The following CLK4 variants were observed in gnomAD, a reference collection of about 807,000 sequenced individuals.
CLK4 encodes dual specificity protein kinase CLK4.
In CLK4, 37 loss-of-function variants were observed where a neutral mutation model predicts 64.4. The observed-to-expected ratio is 0.57, with a 90% CI of 0.44 to 0.76. The LOEUF (loss-of-function observed/expected upper bound fraction) is 0.76. Ranked by LOEUF, CLK4 falls within the 30% of genes least tolerant of loss-of-function variation. The pLI is 0.00. For synonymous variants in CLK4, 175 were observed against 191.6 expected (o/e 0.91, Z 0.72); for missense variants, 457 against 605.1 (o/e 0.76, Z 2.57).
At chr5:178,613,257 TA>T (rs1205483950) in intron 7 of CLK4, among the ~76,000 whole-genome samples, 1 of 152,028 alleles carries the variant, frequency 6.6e-6, no homozygotes, top group Non-Finnish European at 1.5e-5. Context: ...CCATCTCTAC[TA>T]AAAATACAAA....
rs527830511 is a variant in CLK4 at position 178,606,732 on chromosome 5, G to T, written c.1135-1350C>A. Among the ~76,000 whole-genome samples, 33 of 152,280 alleles carry T rather than the reference G, an allele frequency of 2.2e-4. 1 individual carries two copies. Among genetic ancestry groups the T allele is most frequent in the Admixed American group, 2.2e-3 (33 of 15,300 alleles). ...AATCCCAGCACTTTGGGAGGCCAAG[G>T]AGGGTAGATCACTTGAGGTCAGGAG... is the stretch of plus-strand genomic sequence containing the variant. On this transcript the variant is annotated intron_variant, in intron 10 of 12. Coordinates refer to ENST00000316308, the MANE Select transcript of CLK4 (RefSeq NM_020666.3).
At chr5:178,608,316 C>A in intron 10 of CLK4, 60 bp downstream of exon 10, 1 of 1,227,490 alleles carries the variant, frequency 8.1e-7, no homozygotes, top group Non-Finnish European at 1.1e-6. Flanking sequence ...AAAACTTTAG[C>A]ATACCTTTAA....
intron 10 of CLK4, among the ~76,000 whole-genome samples, chr5:178,608,144 A>G (rs189305230): frequency 1.3e-5 from 2 of 152,360 alleles, no homozygotes; most frequent in African/African-American, 2.4e-5. Context: ...AGTATGAACC[A>G]TATATGAACC....
intron 5 of CLK4, 43 bp from the exon 6 acceptor site, chr5:178,613,886 T>C (rs779376487): frequency 3.5e-6 from 5 of 1,427,418 alleles, no homozygotes; most frequent in Non-Finnish European, 4.9e-6. Flanking sequence ...TGTACAAGAG[T>C]GAGCTGAAGC....
At chr5:178,610,019 G>A (rs1056172049) in intron 9 of CLK4, among the ~76,000 whole-genome samples, 4 of 152,044 alleles carry the variant, frequency 2.6e-5, no homozygotes, top group South Asian at 2.1e-4. Flanking sequence ...AACCAGGCAC[G>A]GTGGCTCACA....
At chr5:178,614,616 C>A (rs530482328) in intron 5 of CLK4, among the ~76,000 whole-genome samples, 2 of 152,266 alleles carry the variant, frequency 1.3e-5, no homozygotes, top group East Asian at 3.9e-4. Flanking sequence ...TCACTATGAC[C>A]CTTCCACTTT....
intron 2 of CLK4, 105 bp from the exon 3 acceptor site, chr5:178,618,883 GA>G: frequency 1.3e-6 from 1 of 788,756 alleles, no homozygotes; most frequent in Non-Finnish European, 2.0e-6. Flanking sequence ...CTCAATATAA[GA>G]AAAAAATTCA....
chr5:178,625,415 C>T (rs1764764801), intron 1 of CLK4, among the ~76,000 whole-genome samples: 4 of 111,334 alleles, frequency 3.6e-5, no homozygotes, highest in African/African-American at 3.6e-5. Flanking sequence ...ACAGTGAGAC[C>T]CTGTCTCAAA....
chr5:178,611,286 T>C (rs1207320709), intron 9 of CLK4, among the ~76,000 whole-genome samples: 1 of 152,182 alleles, frequency 6.6e-6, no homozygotes, highest in Non-Finnish European at 1.5e-5. Flanking sequence ...TGCTTTCTTT[T>C]ACCCTTACAC....
intron 11 of CLK4, chr5:178,605,092 T>C (rs1357856248): frequency 1.5e-5 from 4 of 261,226 alleles, no homozygotes; most frequent in African/African-American, 7.6e-5. Flanking sequence ...ATCGTGCCAC[T>C]GCACTCCAGC....
chr5:178,607,028 T>G (rs775816119), intron 10 of CLK4, among the ~76,000 whole-genome samples: 10 of 151,566 alleles, frequency 6.6e-5, no homozygotes, highest in Non-Finnish European at 1.2e-4. Context: ...GAAAAGAAAG[T>G]AGAGTTTCCT....
At chr5:178,618,448 C>T (rs911568400) in intron 3 of CLK4, 108 bp downstream of exon 3, 40 of 341,168 alleles carry the variant, frequency 1.2e-4, no homozygotes, top group Admixed American at 2.5e-4. Flanking sequence ...TATAATATAT[C>T]CAAATAGTAT....
Position 178,605,370 on chromosome 5 carries a change from T to C in CLK4, c.1147A>G (p.Lys383Glu), listed in dbSNP as rs758789388. The change falls in exon 11 of 13, where the codon AAA becomes GAA. Residue 383 changes from lysine (K) to glutamate (E), a missense_variant. Physicochemically the swap from Lys to Glu is moderately conservative, Grantham distance 56. Transcript: ENST00000316308. ...CGTTCCATCATTGCCAGGTGCTCTT[T>C]ACTATCATGAGTCTAAAACATGTAA... ...GFTVFQTHDS[K>E]EHLAMMERIL... 2.1e-5 allele frequency: 33 copies of C among 1,588,530 alleles called. No homozygotes were observed. The highest frequency in any genetic ancestry group is 2.7e-5 in the Non-Finnish European group (32 of 1,169,422).
At chr5:178,607,466 AATT>A (rs1396924999) in intron 10 of CLK4, among the ~76,000 whole-genome samples, 3 of 146,910 alleles carry the variant, frequency 2.0e-5, no homozygotes, top group Non-Finnish European at 4.5e-5. Context: ...TCTCTAAAGT[AATT>A]ATTAACCTTT....
rs117021345 is a variant in CLK4, at chr5:178,611,341, G to A, written c.1051+1075C>T. On this transcript the variant is annotated intron_variant, in intron 9 of 12. Coordinates refer to ENST00000316308, the MANE Select transcript of CLK4 (RefSeq NM_020666.3). Reference sequence around the variant, plus strand: ...TACTACGCAGAAACCCTATTATTACGCATTTAAAAGACAAGCTCTAGAGTT... The same window carrying A: ...TACTACGCAGAAACCCTATTATTACACATTTAAAAGACAAGCTCTAGAGTT... 4.6e-5 allele frequency among the ~76,000 whole-genome samples: 7 copies of A among 152,150 alleles called. No homozygotes were observed. The East Asian group carries it at 7.7e-4, about 17-fold the overall frequency.
In CLK4 at chr5:178,616,897, C is replaced by T; in HGVS notation, c.527G>A (p.Cys176Tyr). 6.2e-7 allele frequency: 1 copy of T among 1,613,432 alleles called. No individual in the cohort carries two copies. The highest frequency in any genetic ancestry group is 8.5e-7 in the Non-Finnish European group (1 of 1,179,348). The part of the protein sequence containing the change: ...GEGAFGKVVE[C>Y]IDHGMDGMHV... ...ACAAACTTACATGCCATGATCAATGCACTCTACAACTTTGCCAAAGGCTCC... is the reference window on the plus strand; with the variant it reads ...ACAAACTTACATGCCATGATCAATGTACTCTACAACTTTGCCAAAGGCTCC... Residue 176 changes from cysteine to tyrosine, a missense_variant, in exon 5 of 13, where the codon TGC becomes TAC. Transcript: ENST00000316308.
At chr5:178,609,543 C>G (rs771188357) in intron 9 of CLK4, among the ~76,000 whole-genome samples, 9 of 151,800 alleles carry the variant, frequency 5.9e-5, no homozygotes, top group Non-Finnish European at 1.3e-4. Context: ...ATTAGCTGGG[C>G]GTGGTGGCAG....
chr5:178,626,166 C>A lies in CLK4; in HGVS notation c.-1+780G>T, dbSNP rs145979054. Among the ~76,000 whole-genome samples, 906 of 152,222 alleles carry A rather than the reference C, an allele frequency of 6.0e-3. 3 individuals carry two copies. Among genetic ancestry groups the A allele is most frequent in the Middle Eastern group, 0.02 (6 of 294 alleles). ...AGGACTGCATTTAATGGGTTACAAG[C>A]CTGTAGGGGTGTGTAAAAAGCACAA... On this transcript the variant is annotated intron_variant, in intron 1 of 12. Transcript: ENST00000316308.
Position 178,612,404 on chromosome 5 carries a change from G to C in CLK4, c.1051+12C>G. ...TTCAATTATAATATTAGAAAGCCTG[G>C]TGTCTACTGACCCAAAATGACCTCG... On this transcript the variant is annotated intron_variant, in intron 9 of 12. Coordinates refer to ENST00000316308, the MANE Select transcript of CLK4 (RefSeq NM_020666.3). 6.3e-7 allele frequency: 1 copy of C among 1,591,734 alleles called. No individual in the cohort carries two copies. Among genetic ancestry groups the C allele is most frequent in the Non-Finnish European group, 8.6e-7 (1 of 1,167,764 alleles).
Sources: allele counts gnomAD v4.1 joint callset (sites outside exome capture counted in the v4.1 genomes callset), GRCh38; gene constraint gnomAD v4.1.1; transcripts MANE v1.5; gene names NCBI Gene and HGNC (gene_info 2026-07-23, HGNC 2026-07-21).